Variants in SLC44A5 observed in about 807,000 individuals in gnomAD.
SLC44A5 encodes the protein choline transporter-like protein 5.
SLC44A5 carries 57 observed loss-of-function variants against 101.8 expected under a neutral mutation model. The ratio of observed to expected loss-of-function variants is 0.56; its 90% confidence interval spans 0.45 to 0.70. SLC44A5 has a LOEUF of 0.70. Ranked by LOEUF, SLC44A5 falls within the 30% of genes least tolerant of loss-of-function variation. The pLI is 0.00. For missense variants in SLC44A5, 737 were observed against 853.1 expected, an observed-to-expected ratio of 0.86 and a Z score of 1.70; for synonymous variants, 281 against 290.9, an observed-to-expected ratio of 0.97 and a Z score of 0.35.
intron 1 of SLC44A5, among the ~76,000 whole-genome samples, chr1:75,542,173 T>C (rs1671388594): frequency 6.6e-6 from 1 of 152,138 alleles, no homozygotes; most frequent in African/African-American, 2.4e-5. Context: ...ACTTTTCATT[T>C]TGAAATAATT....
At chr1:75,702,799 C>A in the SLC44A5 span, among the ~76,000 whole-genome samples, 11 of 151,896 alleles carry the variant, frequency 7.2e-5, no homozygotes, top group African/African-American at 1.4e-4. Context: ...CAATGAACTC[C>A]AACAAATTTA....
At chr1:75,385,257 A>G (rs11163288) in intron 3 of SLC44A5, among the ~76,000 whole-genome samples, 62,571 of 133,858 alleles carry the variant, frequency 0.47, 15,637 homozygotes, top group East Asian at 0.91. Context: ...CAAAAAATTA[A>G]TGAATCCAGG....
chr1:75,446,916 G>A (rs1011295699), intron 2 of SLC44A5, among the ~76,000 whole-genome samples: 4 of 152,048 alleles, frequency 2.6e-5, no homozygotes, highest in Admixed American at 6.6e-5. Context: ...ATTAAGTACC[G>A]ACAGAGATCA....
chr1:75,467,816 G>T (rs190109636), intron 2 of SLC44A5, among the ~76,000 whole-genome samples: 413 of 152,020 alleles, frequency 2.7e-3, no homozygotes, highest in Non-Finnish European at 4.9e-3. Context: ...GGCAATCAAA[G>T]CAAAAATGGA....
chr1:75,332,083 G>A (rs1476556912), intron 4 of SLC44A5, among the ~76,000 whole-genome samples: 1 of 152,054 alleles, frequency 6.6e-6, no homozygotes, highest in African/African-American at 2.4e-5. Context: ...AGTATCTCTA[G>A]TGCCTAGAAG....
intron 6 of SLC44A5, among the ~76,000 whole-genome samples, chr1:75,265,242 A>G (rs1370212691): frequency 6.6e-6 from 1 of 152,210 alleles, no homozygotes; most frequent in African/African-American, 2.4e-5. Flanking sequence ...ATAATTCTTT[A>G]TAAGTCATTC....
At chr1:75,454,776 T>C (rs1164778565) in intron 2 of SLC44A5, among the ~76,000 whole-genome samples, 1 of 151,854 alleles carries the variant, frequency 6.6e-6, no homozygotes, top group African/African-American at 2.4e-5. Context: ...ATCAGGAACA[T>C]AATTTTAATT....
chr1:75,574,096 C>T (rs888293636), intron 1 of SLC44A5, among the ~76,000 whole-genome samples: 12 of 152,122 alleles, frequency 7.9e-5, no homozygotes, highest in Admixed American at 4.6e-4. Context: ...AAGCAAAATG[C>T]ATCAAAGTCA....
At chr1:75,554,500 G>C (rs976734083) in intron 1 of SLC44A5, among the ~76,000 whole-genome samples, 20 of 150,730 alleles carry the variant, frequency 1.3e-4, no homozygotes, top group African/African-American at 4.9e-4. Context: ...TAATTGAAGT[G>C]TCAGATGCCA....
At chr1:75,302,758 A>G (rs967748093) in intron 4 of SLC44A5, among the ~76,000 whole-genome samples, 1 of 152,202 alleles carries the variant, frequency 6.6e-6, no homozygotes, top group African/African-American at 2.4e-5. Context: ...GAACACAAGC[A>G]CTGCGATACT....
chr1:75,692,919 G>A, the SLC44A5 span, among the ~76,000 whole-genome samples: 1 of 152,164 alleles, frequency 6.6e-6, no homozygotes, highest in African/African-American at 2.4e-5. Flanking sequence ...TTAGATGTAA[G>A]TGTGATGGAA....
intron 2 of SLC44A5, among the ~76,000 whole-genome samples, chr1:75,444,513 AAAAG>A (rs1369261277): frequency 3.3e-5 from 5 of 151,386 alleles, no homozygotes; most frequent in East Asian, 1.9e-4. Flanking sequence ...AAAGAAAAAG[AAAAG>A]AAAGTGCTGA....
chr1:75,463,877 A>T (rs754218084), intron 2 of SLC44A5, among the ~76,000 whole-genome samples: 19 of 143,408 alleles, frequency 1.3e-4, no homozygotes, highest in Admixed American at 4.2e-4. Context: ...CTAAACAATG[A>T]ACCAAACAAA....
intron 7 of SLC44A5, 97 bp downstream of exon 7, chr1:75,251,113 C>G: frequency 2.2e-6 from 2 of 903,848 alleles, no homozygotes; most frequent in Non-Finnish European, 3.6e-6. Context: ...CCCCTGCCCA[C>G]GCACACACAC....
intron 23 of SLC44A5, chr1:75,206,363 T>C: frequency 2.6e-6 from 1 of 387,116 alleles, no homozygotes; most frequent in Non-Finnish European, 4.6e-6. Context: ...ATTAAAACAC[T>C]CTCGGCTACA....
the SLC44A5 span, among the ~76,000 whole-genome samples, chr1:75,621,643 T>C: frequency 6.6e-6 from 1 of 152,088 alleles, no homozygotes; most frequent in Non-Finnish European, 1.5e-5. Context: ...AAATAACAAA[T>C]GTCCCACCAA....
chr1:75,406,753 T>C (rs1662898157), intron 2 of SLC44A5, among the ~76,000 whole-genome samples: 1 of 152,152 alleles, frequency 6.6e-6, no homozygotes, highest in South Asian at 2.1e-4. Context: ...GGCAATATCA[T>C]ACTGAATGGG....
intron 2 of SLC44A5, among the ~76,000 whole-genome samples, chr1:75,426,151 A>G (rs913320078): frequency 1.2e-4 from 19 of 152,242 alleles, no homozygotes; most frequent in Non-Finnish European, 2.6e-4. Context: ...TGTGAGAAAT[A>G]GTTGATTAAG....
At chr1:75,460,142 T>C (rs551732519) in intron 2 of SLC44A5, among the ~76,000 whole-genome samples, 2 of 152,286 alleles carry the variant, frequency 1.3e-5, no homozygotes, top group South Asian at 4.1e-4. Context: ...CACTGTTCTC[T>C]CCACATGAAT....
Sources: allele counts gnomAD v4.1 joint callset (sites outside exome capture counted in the v4.1 genomes callset), GRCh38; gene constraint gnomAD v4.1.1; transcripts MANE v1.5; gene names NCBI Gene and HGNC (gene_info 2026-07-23, HGNC 2026-07-21).